The following MMP16 variants were observed in gnomAD, a reference collection of about 807,000 sequenced individuals.
MMP16 encodes matrix metallopeptidase 16.
Under a neutral mutation model 67.8 loss-of-function variants are expected in MMP16, and 12 were observed. That is an observed-to-expected ratio of 0.18 (90% CI 0.11 to 0.29). The LOEUF is 0.29. Among genes scored for constraint, MMP16 ranks in the 10% least tolerant of loss-of-function variants. MMP16 has a pLI of 1.00. For synonymous variants in MMP16, 249 were observed against 255.9 expected (o/e 0.97, Z 0.26); for missense variants, 475 against 765.7 (o/e 0.62, Z 4.48).
chr8:88,137,604 T>C (rs543742752), intron 4 of MMP16, among the ~76,000 whole-genome samples: 2 of 152,046 alleles, frequency 1.3e-5, no homozygotes, highest in Non-Finnish European at 2.9e-5. Flanking sequence ...CAAACACTTG[T>C]TCAGTGGTGT....
chr8:88,055,863 A>AT (rs1300266060), intron 8 of MMP16, among the ~76,000 whole-genome samples: 3 of 152,226 alleles, frequency 2.0e-5, no homozygotes, highest in Non-Finnish European at 4.4e-5. Context: ...CTTACATAGC[A>AT]TTATGGGCAT....
chr8:88,316,153 A>G (rs1811371953), intron 1 of MMP16, among the ~76,000 whole-genome samples: 7 of 152,192 alleles, frequency 4.6e-5, no homozygotes, highest in Admixed American at 3.9e-4. Context: ...GAAGCCATGT[A>G]TGTAACCTAA....
intron 6 of MMP16, among the ~76,000 whole-genome samples, chr8:88,083,047 TG>T (rs1468288604): frequency 4.6e-5 from 7 of 151,686 alleles, no homozygotes; most frequent in Non-Finnish European, 8.8e-5. Context: ...AAAGGATTTC[TG>T]GTATTATAAA....
chr8:88,153,638 G>A (rs1808452012), intron 4 of MMP16, among the ~76,000 whole-genome samples: 1 of 150,860 alleles, frequency 6.6e-6, no homozygotes, highest in African/African-American at 2.4e-5. Flanking sequence ...TTTAATAAAT[G>A]GTGCTGGGAA....
chr8:88,293,573 C>T (rs1316618696), intron 1 of MMP16, among the ~76,000 whole-genome samples: 2 of 151,992 alleles, frequency 1.3e-5, no homozygotes, highest in Non-Finnish European at 2.9e-5. Flanking sequence ...TTTCTTTGAA[C>T]TTGAACAAAT....
intron 4 of MMP16, among the ~76,000 whole-genome samples, chr8:88,124,655 C>CT (rs1388161983): frequency 1.3e-5 from 2 of 152,076 alleles, no homozygotes; most frequent in African/African-American, 2.4e-5. Flanking sequence ...AACAGTATTT[C>CT]TTTTTTCCAC....
chr8:88,046,030 T>G (rs1808195317), intron 9 of MMP16, among the ~76,000 whole-genome samples: 1 of 152,204 alleles, frequency 6.6e-6, no homozygotes, highest in African/African-American at 2.4e-5. Flanking sequence ...TGGGAAGAGA[T>G]ATGTTTACAT....
chr8:88,068,458 A>C (rs1808492001), intron 7 of MMP16, among the ~76,000 whole-genome samples: 2 of 152,084 alleles, frequency 1.3e-5, no homozygotes, highest in South Asian at 4.1e-4. Context: ...ATATCTAAGA[A>C]ATTTTTGCAC....
rs762814022 is a variant in MMP16, at chr8:88,327,242, T to C, written c.-36A>G. 6 of 1,612,082 alleles carry C rather than the reference T, an allele frequency of 3.7e-6. No individual in the cohort carries two copies. The highest frequency in any genetic ancestry group is 1.7e-6 in the Non-Finnish European group (2 of 1,178,800). ...GCTTCAATGGATGGACGAGCTCCCC[T>C]TCGTTTTCTCCCTCTCTCCCTCTCC... On this transcript the variant is annotated 5_prime_UTR_variant, in exon 1 of 10. Transcript: ENST00000286614.
At chr8:88,290,131 A>C (rs943048753) in intron 1 of MMP16, among the ~76,000 whole-genome samples, 4 of 152,236 alleles carry the variant, frequency 2.6e-5, no homozygotes, top group Admixed American at 6.5e-5. Context: ...GGGAAAATTC[A>C]TAAATATGGA....
chr8:88,114,586 A>G (rs1004519487), intron 6 of MMP16, among the ~76,000 whole-genome samples: 1 of 152,044 alleles, frequency 6.6e-6, no homozygotes, highest in African/African-American at 2.4e-5. Context: ...GATGAGATAA[A>G]AACAAAAAGT....
intron 8 of MMP16, 71 bp downstream of exon 8, chr8:88,056,057 A>C (rs1808328300): frequency 8.1e-7 from 1 of 1,238,118 alleles, no homozygotes; most frequent in African/African-American, 1.5e-5. Flanking sequence ...GATGCCTCTG[A>C]TAGACTAGAA....
intron 3 of MMP16, among the ~76,000 whole-genome samples, chr8:88,169,966 G>A (rs751004969): frequency 5.9e-5 from 9 of 152,140 alleles, no homozygotes; most frequent in Non-Finnish European, 1.2e-4. Flanking sequence ...ATATATTGAC[G>A]TAGGGCAAGA....
chr8:88,231,221 G>A (rs1809854522), intron 1 of MMP16, among the ~76,000 whole-genome samples: 1 of 152,158 alleles, frequency 6.6e-6, no homozygotes, highest in Non-Finnish European at 1.5e-5. Context: ...CAGAAAGAGT[G>A]AAGAGATTCT....
In MMP16 at chr8:88,106,673, A is replaced by G. The variant is rs192646080; in HGVS notation, c.1083+9834T>C. 9.1e-3 allele frequency among the ~76,000 whole-genome samples: 1,382 copies of G among 151,446 alleles called. 28 individuals are homozygous for G. Among genetic ancestry groups the G allele is most frequent in the African/African-American group, 0.031 (1,271 of 41,478 alleles). On this transcript the variant is annotated intron_variant, in intron 6 of 9. Transcript: ENST00000286614. ...TTTGTCAGAATAATGAATTTAAAAA[A>G]AACTCACTGTATTTTTAATTTGCAT... is the stretch of plus-strand genomic sequence containing the variant.
chr8:88,307,360 T>C (rs1161515403), intron 1 of MMP16, among the ~76,000 whole-genome samples: 2 of 152,108 alleles, frequency 1.3e-5, no homozygotes, highest in Non-Finnish European at 2.9e-5. Context: ...CAACTATCCT[T>C]TTCTGGTTTT....
At chr8:88,143,449 G>C (rs1808243833) in intron 4 of MMP16, among the ~76,000 whole-genome samples, 1 of 151,988 alleles carries the variant, frequency 6.6e-6, no homozygotes, top group Admixed American at 6.6e-5. Flanking sequence ...CATTGTTTTA[G>C]ATATATTGAG....
chr8:88,162,666 A>G (rs1398740913), intron 4 of MMP16, among the ~76,000 whole-genome samples: 1 of 152,016 alleles, frequency 6.6e-6, no homozygotes, highest in Non-Finnish European at 1.5e-5. Context: ...GCCTGGTGGA[A>G]GGTGACTGGA....
intron 4 of MMP16, among the ~76,000 whole-genome samples, chr8:88,161,824 T>C (rs1340863077): frequency 6.6e-6 from 1 of 152,148 alleles, no homozygotes; most frequent in East Asian, 1.9e-4. Context: ...ATAGTCACTA[T>C]TCAGGAGCAG....
Sources: allele counts gnomAD v4.1 joint callset (sites outside exome capture counted in the v4.1 genomes callset), GRCh38; gene constraint gnomAD v4.1.1; transcripts MANE v1.5; gene names NCBI Gene and HGNC (gene_info 2026-07-23, HGNC 2026-07-21).